LUZP2: variants seen among roughly 807,000 people sequenced by gnomAD.
LUZP2 encodes leucine zipper protein 2.
In LUZP2, 52 loss-of-function variants were observed where a neutral mutation model predicts 51.6. That is an observed-to-expected ratio of 1.01 (90% CI 0.81 to 1.27). The LOEUF (loss-of-function observed/expected upper bound fraction) is 1.27, where lower values mean the gene tolerates loss of function less well. LUZP2 is among the 50% of genes most tolerant of loss of function. LUZP2 has a pLI of 0.00. For missense variants in LUZP2, 436 were observed against 395.4 expected, an observed-to-expected ratio of 1.10 and a Z score of -0.87; for synonymous variants, 154 against 137.3, an observed-to-expected ratio of 1.12 and a Z score of -0.85.
At chr11:24,835,991 T>C (rs1850849755) in intron 5 of LUZP2, among the ~76,000 whole-genome samples, 1 of 152,026 alleles carries the variant, frequency 6.6e-6, no homozygotes, top group African/African-American at 2.4e-5. Flanking sequence ...GTCATACTGA[T>C]TTCCTGATGT....
intron 1 of LUZP2, among the ~76,000 whole-genome samples, chr11:24,619,165 A>C (rs999118361): frequency 6.6e-6 from 1 of 151,986 alleles, no homozygotes; most frequent in African/African-American, 2.4e-5. Flanking sequence ...AGTAGCTGAG[A>C]CTACAGATGT....
chr11:24,982,872 G>A (rs1856076685), intron 8 of LUZP2, among the ~76,000 whole-genome samples: 1 of 151,746 alleles, frequency 6.6e-6, no homozygotes, highest in Admixed American at 6.6e-5. Context: ...AATCATGTCA[G>A]TTCAAGAGAA....
intron 7 of LUZP2, among the ~76,000 whole-genome samples, chr11:24,921,582 A>G (rs2133816653): frequency 6.6e-6 from 1 of 152,266 alleles, no homozygotes; most frequent in South Asian, 2.1e-4. Context: ...TTTTGTTAGA[A>G]AAGAAATGGT....
chr11:25,025,315 G>T (rs112348666), intron 9 of LUZP2, among the ~76,000 whole-genome samples: 59 of 152,196 alleles, frequency 3.9e-4, no homozygotes, highest in Non-Finnish European at 5.3e-4. Flanking sequence ...TTAAACTAAA[G>T]AGCTTCTGCA....
chr11:24,856,752 T>A (rs771584606), intron 5 of LUZP2, among the ~76,000 whole-genome samples: 10 of 152,074 alleles, frequency 6.6e-5, no homozygotes, highest in Non-Finnish European at 7.4e-5. Context: ...TAATGTCTTA[T>A]CTTAAACCAC....
chr11:24,775,904 G>T (rs1246031752), intron 5 of LUZP2, among the ~76,000 whole-genome samples: 1 of 152,100 alleles, frequency 6.6e-6, no homozygotes, highest in Non-Finnish European at 1.5e-5. Flanking sequence ...ATGCATGTTA[G>T]ACATTTAGTA....
chr11:24,919,665 C>CAT lies in LUZP2; in HGVS notation c.522+5137_522+5138dup, dbSNP rs200090309. On this transcript the variant is annotated intron_variant, in intron 7 of 11. Transcript: ENST00000336930. ...GTGTAGGTATGTTTATACATGCATA[C>CAT]ATATATATATAATGATTTAAATTTA... is the stretch of plus-strand genomic sequence containing the variant. Among the ~76,000 whole-genome samples, 1,073 of 148,518 alleles carry CAT rather than the reference C, an allele frequency of 7.2e-3. 8 individuals are homozygous for CAT. Among genetic ancestry groups the CAT allele is most frequent in the African/African-American group, 0.02 (802 of 40,900 alleles).
At chr11:25,070,153 G>A (rs1208261235) in intron 10 of LUZP2, among the ~76,000 whole-genome samples, 1 of 151,840 alleles carries the variant, frequency 6.6e-6, no homozygotes, top group Non-Finnish European at 1.5e-5. Flanking sequence ...AGAAATGAAA[G>A]AGCCAGCAGT....
At chr11:24,919,524 TTA>T (rs1157059893) in intron 7 of LUZP2, among the ~76,000 whole-genome samples, 8 of 140,696 alleles carry the variant, frequency 5.7e-5, no homozygotes, top group Admixed American at 3.0e-4. Context: ...TATATATTCT[TTA>T]TATATATACT....
intron 1 of LUZP2, among the ~76,000 whole-genome samples, chr11:24,671,966 T>G (rs921292458): frequency 6.6e-6 from 1 of 152,156 alleles, no homozygotes; most frequent in South Asian, 2.1e-4. Context: ...CAATTTGCCA[T>G]GCATAGAGCT....
intron 1 of LUZP2, among the ~76,000 whole-genome samples, chr11:24,601,909 T>TAC (rs1474180190): frequency 5.7e-5 from 7 of 122,262 alleles, no homozygotes; most frequent in African/African-American, 2.2e-4. Flanking sequence ...TATATGTATA[T>TAC]ATGTATATAT....
intron 5 of LUZP2, among the ~76,000 whole-genome samples, chr11:24,882,815 G>A (rs75343944): frequency 2.7e-5 from 4 of 149,430 alleles, no homozygotes; most frequent in Non-Finnish European, 4.5e-5. Context: ...AGGGAAGAAG[G>A]GAGGGAGGGA....
intron 5 of LUZP2, among the ~76,000 whole-genome samples, chr11:24,767,625 A>G (rs1296837919): frequency 6.6e-6 from 1 of 152,108 alleles, no homozygotes; most frequent in Admixed American, 6.5e-5. Flanking sequence ...TAAGTTTTTC[A>G]TATGTTTGCA....
intron 1 of LUZP2, among the ~76,000 whole-genome samples, chr11:24,529,578 G>A (rs1007714268): frequency 1.3e-5 from 2 of 150,862 alleles, no homozygotes; most frequent in African/African-American, 4.8e-5. Context: ...CCATGATCAG[G>A]GTTAGGAATC....
intron 9 of LUZP2, among the ~76,000 whole-genome samples, chr11:25,029,659 C>A (rs1355113367): frequency 1.3e-5 from 2 of 151,530 alleles, no homozygotes; most frequent in African/African-American, 2.4e-5. Context: ...ATCATTTGAA[C>A]CCGGGAGGCG....
chr11:24,719,183 A>C lies in LUZP2; in HGVS notation c.63-9986A>C, dbSNP rs373986805. Among the ~76,000 whole-genome samples, 88 of 152,318 alleles carry C rather than the reference A, an allele frequency of 5.8e-4. 1 individual carries two copies. The South Asian group carries it at 0.01, about 18-fold the overall frequency. ...ATAATTTGAATTAAATGGATTAGAA[A>C]AGCAAAAAAAAGAAAATGCATATAA... On this transcript the variant is annotated intron_variant, in intron 1 of 11. Coordinates refer to ENST00000336930, the MANE Select transcript of LUZP2 (RefSeq NM_001009909.4).
chr11:24,559,532 G>A (rs1851969550), intron 1 of LUZP2, among the ~76,000 whole-genome samples: 1 of 152,168 alleles, frequency 6.6e-6, no homozygotes, highest in Non-Finnish European at 1.5e-5. Flanking sequence ...TAGACAGGAA[G>A]CATAATCAGA....
intron 9 of LUZP2, among the ~76,000 whole-genome samples, chr11:25,005,296 G>GTAAATTGCAAGCTTT (rs1290405985): frequency 6.6e-6 from 1 of 152,166 alleles, no homozygotes; most frequent in African/African-American, 2.4e-5. Flanking sequence ...CCTGTGAGAT[G>GTAAATTGCAAGCTTT]TAAATTGCAA....
At chr11:24,756,533 AC>A (rs1451219125) in intron 4 of LUZP2, among the ~76,000 whole-genome samples, 2 of 151,898 alleles carry the variant, frequency 1.3e-5, no homozygotes, top group Non-Finnish European at 1.5e-5. Flanking sequence ...AAGGTTCTTC[AC>A]CCCCTGCTCT....
Sources: allele counts gnomAD v4.1 joint callset (sites outside exome capture counted in the v4.1 genomes callset), GRCh38; gene constraint gnomAD v4.1.1; transcripts MANE v1.5; gene names NCBI Gene and HGNC (gene_info 2026-07-23, HGNC 2026-07-21).